Variants in SFT2D1 observed in about 807,000 individuals in gnomAD.
SFT2D1 encodes SFT2 domain containing 1, also known as vesicle transport protein SFT2A.
A neutral mutation model predicts 28.1 loss-of-function variants in SFT2D1; 24 were observed. That is an observed-to-expected ratio of 0.85 (90% CI 0.62 to 1.20). The LOEUF (loss-of-function observed/expected upper bound fraction) is 1.20. SFT2D1 is among the 50% of genes most tolerant of loss of function. SFT2D1 has a pLI of 0.00. For missense variants in SFT2D1, 181 were observed against 190.9 expected (o/e 0.95, Z 0.31); for synonymous variants, 82 against 73.7 (o/e 1.11, Z -0.58).
chr6:166,335,587 T>C (rs1778632574), intron 1 of SFT2D1: 1 of 379,490 alleles, frequency 2.6e-6, no homozygotes, highest in South Asian at 2.1e-5. Context: ...CTTTTTGAAT[T>C]TGAAAAATCA....
chr6:166,332,597 C>T (rs1778571847), intron 1 of SFT2D1, among the ~76,000 whole-genome samples: 1 of 152,188 alleles, frequency 6.6e-6, no homozygotes, highest in Non-Finnish European at 1.5e-5. Context: ...CTTTCTTTTA[C>T]CACCAATCAG....
chr6:166,341,716 CA>C (rs1778785604), intron 1 of SFT2D1, among the ~76,000 whole-genome samples: 1 of 151,824 alleles, frequency 6.6e-6, no homozygotes, highest in Non-Finnish European at 1.5e-5. Context: ...CATGCAATAA[CA>C]AAAAAACTTA....
chr6:166,330,917 G>A (rs1038046728), intron 1 of SFT2D1, among the ~76,000 whole-genome samples: 6 of 152,184 alleles, frequency 3.9e-5, no homozygotes, highest in African/African-American at 1.2e-4. Context: ...CGCACCAGAC[G>A]GTACCCGTTC....
intron 3 of SFT2D1, among the ~76,000 whole-genome samples, chr6:166,328,606 G>A (rs1778495375): frequency 6.6e-6 from 1 of 152,212 alleles, no homozygotes; most frequent in Admixed American, 6.5e-5. Flanking sequence ...GGACTAGGCT[G>A]TGAGAACTCC....
At chr6:166,342,203 G>C (rs968697254) in intron 1 of SFT2D1, among the ~76,000 whole-genome samples, 1 of 152,040 alleles carries the variant, frequency 6.6e-6, no homozygotes, top group African/African-American at 2.4e-5. Context: ...GGAGAGTCGG[G>C]GGGGGGCCTC....
intron 1 of SFT2D1, 51 bp downstream of exon 1, chr6:166,342,368 G>A: frequency 1.3e-6 from 2 of 1,512,324 alleles, no homozygotes; most frequent in South Asian, 1.2e-5. Flanking sequence ...CCTCAGTGCG[G>A]CCGGGGCCAG....
Position 166,321,072 on chromosome 6 carries a change from T to C in SFT2D1, c.441-816A>G, listed in dbSNP as rs535824718. 5.9e-5 allele frequency among the ~76,000 whole-genome samples: 9 copies of C among 152,118 alleles called. No individual in the cohort carries two copies. In the East Asian group the frequency reaches 1.4e-3, roughly 23 times the overall value. On this transcript the variant is annotated intron_variant, in intron 7 of 7. Transcript: ENST00000361731. The stretch of plus-strand genomic sequence containing the variant: ...GTTGCAGTGAGCAGAGATCACGCCA[T>C]TGTACTCCAGCCTGGGTGACAAAAT...
At chr6:166,330,283 T>A in intron 1 of SFT2D1, 36 bp from the exon 2 acceptor site, 1 of 1,326,582 alleles carries the variant, frequency 7.5e-7, no homozygotes, top group Non-Finnish European at 1.1e-6. Context: ...AATATAGTCT[T>A]AATTCACTAC....
intron 1 of SFT2D1, among the ~76,000 whole-genome samples, chr6:166,334,407 C>T (rs1778607731): frequency 1.3e-5 from 2 of 152,358 alleles, no homozygotes; most frequent in South Asian, 4.1e-4. Context: ...GCCTGGGCAA[C>T]ATGGCGAGTC....
chr6:166,329,073 T>G (rs993585601), intron 3 of SFT2D1, among the ~76,000 whole-genome samples: 1 of 152,160 alleles, frequency 6.6e-6, no homozygotes, highest in Non-Finnish European at 1.5e-5. Context: ...GGGCTCCGGA[T>G]TCCCACCTCA....
At chr6:166,335,621 G>A (rs1778633397) in intron 1 of SFT2D1, 1 of 357,270 alleles carries the variant, frequency 2.8e-6, no homozygotes, top group Non-Finnish European at 5.4e-6. Context: ...ACCTTGAACA[G>A]GAGAACATAA....
intron 1 of SFT2D1, among the ~76,000 whole-genome samples, chr6:166,340,189 CT>C (rs1332259031): frequency 6.6e-6 from 1 of 152,196 alleles, no homozygotes; most frequent in Non-Finnish European, 1.5e-5. Flanking sequence ...CTTTAAACCA[CT>C]TCTATCACTG....
chr6:166,321,560 A>G (rs535527319), intron 7 of SFT2D1, among the ~76,000 whole-genome samples: 27 of 152,342 alleles, frequency 1.8e-4, no homozygotes, highest in African/African-American at 6.0e-4. Context: ...CCTTGTAAGT[A>G]TCTATCAGAA....
chr6:166,324,924 G>A (rs901937186), intron 5 of SFT2D1, among the ~76,000 whole-genome samples: 5 of 151,982 alleles, frequency 3.3e-5, no homozygotes, highest in Non-Finnish European at 7.4e-5. Context: ...ATCTAGAATC[G>A]ACATGTAAAA....
At chr6:166,340,784 A>C (rs917192296) in intron 1 of SFT2D1, among the ~76,000 whole-genome samples, 11 of 152,258 alleles carry the variant, frequency 7.2e-5, no homozygotes, top group African/African-American at 2.7e-4. Context: ...TGCACTGGTC[A>C]CTGTTATTAA....
intron 1 of SFT2D1, among the ~76,000 whole-genome samples, chr6:166,333,520 TC>T (rs1180018336): frequency 1.3e-5 from 2 of 152,182 alleles, no homozygotes; most frequent in African/African-American, 2.4e-5. Flanking sequence ...CCTCCTGAAC[TC>T]CTCATCCGGC....
At chr6:166,332,816 CTTCA>C (rs1368472965) in intron 1 of SFT2D1, among the ~76,000 whole-genome samples, 6 of 152,168 alleles carry the variant, frequency 3.9e-5, no homozygotes, top group East Asian at 1.9e-4. Context: ...GCAACTAGAA[CTTCA>C]TTCATTAATT....
intron 6 of SFT2D1, chr6:166,324,262 T>C (rs1010814297): frequency 1.5e-5 from 5 of 335,336 alleles, no homozygotes; most frequent in African/African-American, 1.1e-4. Flanking sequence ...ATCACCTACT[T>C]TTCTTATTAT....
intron 7 of SFT2D1, among the ~76,000 whole-genome samples, chr6:166,321,707 C>A (rs1464828184): frequency 1.3e-5 from 2 of 152,268 alleles, no homozygotes; most frequent in East Asian, 3.9e-4. Context: ...TGTGCCTCAC[C>A]AGAATCTTTT....
Sources: allele counts gnomAD v4.1 joint callset (sites outside exome capture counted in the v4.1 genomes callset), GRCh38; gene constraint gnomAD v4.1.1; transcripts MANE v1.5; gene names NCBI Gene and HGNC (gene_info 2026-07-23, HGNC 2026-07-21).